KCNN3: variants seen among roughly 807,000 people sequenced by gnomAD.
KCNN3 encodes potassium calcium-activated channel subfamily N member 3.
In KCNN3, 16 loss-of-function variants were observed where a neutral mutation model predicts 62.9. The ratio of observed to expected loss-of-function variants is 0.25; its 90% confidence interval spans 0.17 to 0.39. The LOEUF (loss-of-function observed/expected upper bound fraction) is 0.39, where lower values mean the gene tolerates loss of function less well. Among genes scored for constraint, KCNN3 ranks in the 10% least tolerant of loss-of-function variants. The pLI, the probability that KCNN3 is intolerant of heterozygous loss-of-function variation, is 1.00. For synonymous variants in KCNN3, 370 were observed against 389.2 expected (o/e 0.95, Z 0.58); for missense variants, 599 against 949.4 (o/e 0.63, Z 4.85).
intron 3 of KCNN3, among the ~76,000 whole-genome samples, chr1:154,738,480 C>G (rs1700759565): frequency 6.6e-6 from 1 of 152,172 alleles, no homozygotes; most frequent in African/African-American, 2.4e-5. Context: ...CCCATGCACC[C>G]TCTCTCAGGA....
In KCNN3 at chr1:154,698,010, T is replaced by C. The variant is rs1250770610; in HGVS notation, c.*9966A>G. ...TACTGTGTATAAGTATAAAGTACTA[T>C]TATTTAGTAATCACTGAGTTGGTAA... On this transcript the variant is annotated 3_prime_UTR_variant, in exon 8 of 8. Coordinates refer to ENST00000271915, the MANE Select transcript of KCNN3 (RefSeq NM_002249.6). 1 of 152,162 alleles carries C rather than the reference T, an allele frequency of 6.6e-6. No individual in the cohort carries two copies. The highest frequency in any genetic ancestry group is 1.5e-5 in the Non-Finnish European group (1 of 68,012). 9.4% of individuals were successfully genotyped at this position (152,162 alleles called of 1,614,324 possible). A position where few individuals can be genotyped will look rare whatever the true frequency, so the allele number is the denominator to read the frequency against.
rs1374467516 is a variant in KCNN3, at chr1:154,701,081, C to T, written c.*6895G>A. ...GAAAACTTGTGTACAAGTTAGGGCTCAGCTACACAAACAGACTGAAAACGG... is the reference window on the plus strand; with the variant it reads ...GAAAACTTGTGTACAAGTTAGGGCTTAGCTACACAAACAGACTGAAAACGG... On this transcript the variant is annotated 3_prime_UTR_variant, in exon 8 of 8. Coordinates refer to ENST00000271915, the MANE Select transcript of KCNN3 (RefSeq NM_002249.6). 6.6e-6 allele frequency: 1 copy of T among 152,108 alleles called. No homozygotes were observed. The highest frequency in any genetic ancestry group is 1.5e-5 in the Non-Finnish European group (1 of 68,022). 9.4% of individuals were successfully genotyped at this position (152,108 alleles called of 1,614,324 possible). A position where few individuals can be genotyped will look rare whatever the true frequency, so the allele number is the denominator to read the frequency against.
intron 3 of KCNN3, 67 bp from the exon 4 acceptor site, chr1:154,733,211 C>A: frequency 1.3e-6 from 2 of 1,522,944 alleles, no homozygotes; most frequent in East Asian, 2.3e-5. Flanking sequence ...TGTGGGCAAA[C>A]CTAGAGCGGG....
At chr1:154,722,554 A>AC (rs1700377184) in intron 5 of KCNN3, among the ~76,000 whole-genome samples, 1 of 150,362 alleles carries the variant, frequency 6.7e-6, no homozygotes, top group Admixed American at 6.7e-5. Context: ...CGCCCGGCTA[A>AC]TTTTTTTGGA....
intron 1 of KCNN3, among the ~76,000 whole-genome samples, chr1:154,841,994 G>A (rs538380858): frequency 1.3e-5 from 2 of 152,240 alleles, no homozygotes; most frequent in Non-Finnish European, 2.9e-5. Context: ...GCGAGGGCAC[G>A]ACAGAGGTGG....
At chr1:154,724,108 A>G (rs1332848166) in intron 5 of KCNN3, among the ~76,000 whole-genome samples, 1 of 152,208 alleles carries the variant, frequency 6.6e-6, no homozygotes, top group Non-Finnish European at 1.5e-5. Context: ...AGTTCCTTTT[A>G]ATGTCTGTTA....
chr1:154,848,577 G>A (rs1652177652), intron 1 of KCNN3, among the ~76,000 whole-genome samples: 1 of 152,090 alleles, frequency 6.6e-6, no homozygotes, highest in Non-Finnish European at 1.5e-5. Context: ...TTCACGGGCA[G>A]GGGGCTCCAT....
At chr1:154,796,647 C>T (rs750075979) in intron 2 of KCNN3, among the ~76,000 whole-genome samples, 17 of 152,206 alleles carry the variant, frequency 1.1e-4, no homozygotes, top group Non-Finnish European at 2.2e-4. Flanking sequence ...CCGATTCAAC[C>T]GATTGTGTCC....
chr1:154,707,559 G>C lies in KCNN3; in HGVS notation c.*417C>G, dbSNP rs1484430565. 6.1e-6 allele frequency: 1 copy of C among 164,424 alleles called. No individual in the cohort carries two copies. Among genetic ancestry groups the C allele is most frequent in the Admixed American group, 6.0e-5 (1 of 16,670 alleles). 10.2% of individuals were successfully genotyped at this position (164,424 alleles called of 1,614,324 possible). Reference sequence around the variant, plus strand: ...AGAGGTGTGTTCAAAGACCCCCATGGCGAAGAGCCCATCCCCCAAGCCTGA... The same window carrying C: ...AGAGGTGTGTTCAAAGACCCCCATGCCGAAGAGCCCATCCCCCAAGCCTGA... On this transcript the variant is annotated 3_prime_UTR_variant, in exon 8 of 8. Coordinates refer to ENST00000271915, the MANE Select transcript of KCNN3 (RefSeq NM_002249.6).
intron 1 of KCNN3, among the ~76,000 whole-genome samples, chr1:154,828,721 A>G (rs559249082): frequency 6.6e-6 from 1 of 152,328 alleles, no homozygotes; most frequent in South Asian, 2.1e-4. Flanking sequence ...CTGTTTTCAC[A>G]CAAAGAGAAG....
At chr1:154,849,792 A>C (rs1652231768) in intron 1 of KCNN3, among the ~76,000 whole-genome samples, 1 of 152,218 alleles carries the variant, frequency 6.6e-6, no homozygotes, top group Non-Finnish European at 1.5e-5. Flanking sequence ...AGGGTTTCTC[A>C]GCCTCAGTAC....
At chr1:154,728,094 A>G (rs948486315) in intron 4 of KCNN3, among the ~76,000 whole-genome samples, 2 of 152,216 alleles carry the variant, frequency 1.3e-5, no homozygotes, top group Non-Finnish European at 2.9e-5. Context: ...TGTAATCACA[A>G]CAATCAATCA....
chr1:154,747,020 G>T (rs1452979566), intron 3 of KCNN3, among the ~76,000 whole-genome samples: 1 of 152,102 alleles, frequency 6.6e-6, no homozygotes, highest in Non-Finnish European at 1.5e-5. Context: ...CTGCTGCCCA[G>T]GTCCCCTGCA....
At chr1:154,763,537 T>C (rs1648119706) in intron 3 of KCNN3, among the ~76,000 whole-genome samples, 1 of 152,174 alleles carries the variant, frequency 6.6e-6, no homozygotes, top group African/African-American at 2.4e-5. Flanking sequence ...CCATTGTGCC[T>C]GAAAAACTTT....
chr1:154,702,731 ATATATATATATATATAT>A lies in KCNN3; in HGVS notation c.*5228_*5244del. ...TATATATATATATATATATATATAT[ATATATATATATATATAT>A]GTACTTTTTCTTTTTGGCTATAAAT... On this transcript the variant is annotated 3_prime_UTR_variant, in exon 8 of 8. Coordinates refer to ENST00000271915, the MANE Select transcript of KCNN3 (RefSeq NM_002249.6). 1 of 118,322 alleles carries A rather than the reference ATATATATATATATATAT, an allele frequency of 8.5e-6. No homozygotes were observed. Among genetic ancestry groups the A allele is most frequent in the East Asian group, 2.2e-4 (1 of 4,620 alleles). The allele number at this position is 118,322 out of a possible 1,614,324, so 7.3% of individuals were successfully genotyped here. A position where few individuals can be genotyped will look rare whatever the true frequency, so the allele number is the denominator to read the frequency against.
intron 2 of KCNN3, among the ~76,000 whole-genome samples, chr1:154,786,579 A>C (rs1169348020): frequency 6.6e-6 from 1 of 152,220 alleles, no homozygotes; most frequent in African/African-American, 2.4e-5. Context: ...CTCTTTTTTA[A>C]AAAAGCAAAC....
intron 1 of KCNN3, among the ~76,000 whole-genome samples, chr1:154,845,722 G>A (rs1372775845): frequency 2.6e-5 from 4 of 152,156 alleles, no homozygotes; most frequent in African/African-American, 7.2e-5. Context: ...CCGTGCCCCA[G>A]CCAGTCCCAA....
chr1:154,807,599 C>T (rs765740550), intron 2 of KCNN3, among the ~76,000 whole-genome samples: 2 of 152,216 alleles, frequency 1.3e-5, no homozygotes, highest in South Asian at 2.1e-4. Flanking sequence ...GGGGGAGAAG[C>T]TAAGTCCCCG....
intron 2 of KCNN3, among the ~76,000 whole-genome samples, chr1:154,818,449 C>T (rs572710527): frequency 2.0e-5 from 3 of 152,340 alleles, no homozygotes; most frequent in Admixed American, 1.3e-4. Flanking sequence ...ACTAGGTGGA[C>T]ACTACAGTTT....
Sources: allele counts gnomAD v4.1 joint callset (sites outside exome capture counted in the v4.1 genomes callset), GRCh38; gene constraint gnomAD v4.1.1; transcripts MANE v1.5; gene names NCBI Gene and HGNC (gene_info 2026-07-23, HGNC 2026-07-21).